IDE: variants seen among roughly 807,000 people sequenced by gnomAD.
IDE encodes insulin degrading enzyme.
IDE carries 58 observed loss-of-function variants against 133.2 expected under a neutral mutation model. The observed-to-expected ratio is 0.44, with a 90% CI of 0.35 to 0.54. The LOEUF is 0.54. Ranked by LOEUF, IDE falls within the 20% of genes least tolerant of loss-of-function variation. The pLI is 0.00. For missense variants in IDE, 981 were observed against 1,234.0 expected, an observed-to-expected ratio of 0.79 and a Z score of 3.07; for synonymous variants, 396 against 421.3, an observed-to-expected ratio of 0.94 and a Z score of 0.73.
chr10:92,529,095 AC>A (rs1184821719), intron 4 of IDE, among the ~76,000 whole-genome samples: 6 of 152,070 alleles, frequency 3.9e-5, no homozygotes, highest in African/African-American at 7.2e-5. Flanking sequence ...AAACAAAAAA[AC>A]AAAACAAAAC....
rs1842065720 is a variant in IDE at position 92,537,345 on chromosome 10, AT to A, written c.283+20del. ...GGTCAATGAAACAAAACAAAGCTTAATTCACAATTTTCAATTGTACCTATGT... is the reference window on the plus strand; with the variant it reads ...GGTCAATGAAACAAAACAAAGCTTAATCACAATTTTCAATTGTACCTATGT... On this transcript the variant is annotated intron_variant, in intron 2 of 24. Coordinates refer to ENST00000265986, the MANE Select transcript of IDE (RefSeq NM_004969.4). The A allele has an allele frequency of 8.3e-6, 13 of 1,570,032 alleles. No individual in the cohort carries two copies. Among genetic ancestry groups the A allele is most frequent in the South Asian group, 8.3e-5 (7 of 84,836 alleles).
intron 1 of IDE, among the ~76,000 whole-genome samples, chr10:92,571,113 G>C (rs1264842833): frequency 6.6e-6 from 1 of 151,788 alleles, no homozygotes; most frequent in Non-Finnish European, 1.5e-5. Context: ...CCGGGTTCAA[G>C]CGATTCTCCT....
At chr10:92,510,474 C>T (rs548830536) in intron 5 of IDE, among the ~76,000 whole-genome samples, 60 of 152,126 alleles carry the variant, frequency 3.9e-4, no homozygotes, top group South Asian at 3.5e-3. Flanking sequence ...ATAATGTTCA[C>T]CTTATACATA....
At chr10:92,501,362 TAAAAAAAAAAAAAA>T (rs55861862) in intron 11 of IDE, among the ~76,000 whole-genome samples, 15 of 19,236 alleles carry the variant, frequency 7.8e-4, no homozygotes, top group Non-Finnish European at 1.3e-3. Flanking sequence ...ACTCTGTCAT[TAAAAAAAAAAAAAA>T]AAAAAAAAAA....
chr10:92,460,420 T>C (rs1383759586), intron 22 of IDE, among the ~76,000 whole-genome samples: 1 of 152,004 alleles, frequency 6.6e-6, no homozygotes, highest in Admixed American at 6.6e-5. Flanking sequence ...CTTTGCAGAG[T>C]AGGGTGGAGA....
intron 6 of IDE, among the ~76,000 whole-genome samples, chr10:92,509,286 C>T (rs1848459950): frequency 1.3e-5 from 2 of 152,022 alleles, no homozygotes; most frequent in Admixed American, 6.6e-5. Flanking sequence ...TTTATTATCC[C>T]GACAAATATT....
chr10:92,532,232 G>A lies in IDE; in HGVS notation c.492-315C>T, dbSNP rs569843061. 1.3e-3 allele frequency among the ~76,000 whole-genome samples: 196 copies of A among 148,160 alleles called. 1 individual carries two copies. The highest frequency in any genetic ancestry group is 3.8e-3 in the South Asian group (18 of 4,688). On this transcript the variant is annotated intron_variant, in intron 3 of 24. Coordinates refer to ENST00000265986, the MANE Select transcript of IDE (RefSeq NM_004969.4). ...CTATTTAAGATTTTTAATTTGGTAC[G>A]TCTATAAAAACTTTGTTACATGTGG... is the stretch of plus-strand genomic sequence containing the variant.
At chr10:92,519,964 CATG>C (rs1849133129) in intron 4 of IDE, among the ~76,000 whole-genome samples, 1 of 152,122 alleles carries the variant, frequency 6.6e-6, no homozygotes, top group East Asian at 1.9e-4. Context: ...ATTAGCCAGG[CATG>C]GTGGTGGTCA....
chr10:92,562,357 CA>C (rs1356173449), intron 1 of IDE, among the ~76,000 whole-genome samples: 1 of 152,098 alleles, frequency 6.6e-6, no homozygotes, highest in African/African-American at 2.4e-5. Flanking sequence ...GTTCAGAAAC[CA>C]AAACTTGGTA....
intron 21 of IDE, among the ~76,000 whole-genome samples, chr10:92,462,641 G>C (rs937719124): frequency 2.0e-5 from 3 of 152,066 alleles, no homozygotes; most frequent in African/African-American, 7.3e-5. Context: ...TAGTGCAATG[G>C]GTAAGAGCCT....
At chr10:92,553,684 C>T (rs1470614574) in intron 1 of IDE, among the ~76,000 whole-genome samples, 3 of 151,688 alleles carry the variant, frequency 2.0e-5, no homozygotes, top group African/African-American at 7.2e-5. Context: ...TTCAAAAGAT[C>T]ATTAGTGGCT....
chr10:92,540,465 C>T (rs1377139620), intron 1 of IDE, among the ~76,000 whole-genome samples: 1 of 152,118 alleles, frequency 6.6e-6, no homozygotes, highest in Non-Finnish European at 1.5e-5. Context: ...GCAAGAAGGG[C>T]AGTGTTAAAA....
At chr10:92,466,955 C>T (rs1326397659) in intron 19 of IDE, among the ~76,000 whole-genome samples, 1 of 151,858 alleles carries the variant, frequency 6.6e-6, no homozygotes, top group Admixed American at 6.6e-5. Flanking sequence ...AACATCTTCT[C>T]GGTTGCAGTG....
At chr10:92,468,131 A>T (rs1221080156) in intron 19 of IDE, among the ~76,000 whole-genome samples, 1 of 152,152 alleles carries the variant, frequency 6.6e-6, no homozygotes, top group Non-Finnish European at 1.5e-5. Flanking sequence ...ATAGGCCTGG[A>T]AGGAGAAGTA....
At chr10:92,473,111 T>C (rs1846059741) in intron 17 of IDE, among the ~76,000 whole-genome samples, 1 of 151,366 alleles carries the variant, frequency 6.6e-6, no homozygotes, top group Non-Finnish European at 1.5e-5. Context: ...CCCGGCTAAT[T>C]TTTTGTATTT....
At chr10:92,477,752 G>A (rs1846355788) in intron 15 of IDE, among the ~76,000 whole-genome samples, 1 of 152,138 alleles carries the variant, frequency 6.6e-6, no homozygotes, top group African/African-American at 2.4e-5. Flanking sequence ...ATGGTAATAT[G>A]CTACTAAAAA....
At chr10:92,456,914 A>C (rs1845062316) in intron 22 of IDE, among the ~76,000 whole-genome samples, 1 of 149,936 alleles carries the variant, frequency 6.7e-6, no homozygotes, top group Admixed American at 6.8e-5. Flanking sequence ...CTTTCCCCTC[A>C]CTTACATTAT....
intron 13 of IDE, among the ~76,000 whole-genome samples, chr10:92,485,820 G>A (rs1041515079): frequency 6.6e-6 from 1 of 152,034 alleles, no homozygotes; most frequent in East Asian, 1.9e-4. Flanking sequence ...GTGTGCGTCT[G>A]TAATCCAGCT....
intron 6 of IDE, among the ~76,000 whole-genome samples, chr10:92,509,423 T>C (rs1848469577): frequency 6.6e-6 from 1 of 151,974 alleles, no homozygotes. Context: ...TGAAACCCCA[T>C]TTCTATTAAA....
Sources: gnomAD v4.1 joint callset for allele counts (sites outside exome capture counted in the v4.1 genomes callset) on GRCh38, gnomAD v4.1.1 for gene constraint, MANE v1.5 for transcripts, NCBI Gene and HGNC (gene_info 2026-07-23, HGNC 2026-07-21) for gene names.